KAT6A: variants seen among roughly 807,000 people sequenced by gnomAD.
KAT6A encodes the protein histone acetyltransferase KAT6A.
KAT6A carries 9 observed loss-of-function variants against 198.4 expected under a neutral mutation model. The ratio of observed to expected loss-of-function variants is 0.05; its 90% CI spans 0.03 to 0.08. The LOEUF (loss-of-function observed/expected upper bound fraction) is 0.08, where lower values mean the gene tolerates loss of function less well. KAT6A is among the 10% of genes least tolerant of loss of function. The pLI is 1.00. For synonymous variants in KAT6A, 890 were observed against 883.0 expected (o/e 1.01, Z -0.14); for missense variants, 2,077 against 2,509.9 (o/e 0.83, Z 3.69).
intron 2 of KAT6A, among the ~76,000 whole-genome samples, chr8:42,033,685 T>A (rs902993371): frequency 2.6e-5 from 4 of 152,162 alleles, no homozygotes; most frequent in Non-Finnish European, 5.9e-5. Context: ...TCTATTTTAC[T>A]TCATCAGAGC....
Position 41,955,302 on chromosome 8 carries a change from T to A in KAT6A, c.1592A>T (p.Tyr531Phe). 1 of 1,576,912 alleles carries A rather than the reference T, an allele frequency of 6.3e-7. No homozygotes were observed. The highest frequency in any genetic ancestry group is 8.7e-7 in the Non-Finnish European group (1 of 1,146,080). The change falls in exon 9 of 17, where the codon TAC becomes TTC. Residue 531 changes from tyrosine (Y) to phenylalanine (F), a missense_variant. Tyr to Phe is a conservative substitution (Grantham distance 22, BLOSUM62 3). This residue lies in a region of KAT6A where 46 missense variants were observed against 88.2 expected (regional missense o/e 0.52). Coordinates refer to ENST00000265713, the MANE Select transcript of KAT6A (RefSeq NM_006766.5). ...AGGGTCTCTCAAAACATACCTTGAG[T>A]ATTCTTGAGGATATGGGGAGGAGTA... ...TWYSSPYPQE[Y>F]SRLPKLYLCE... is the part of the protein sequence containing the mutation.
chr8:42,044,960 C>A (rs952877437), intron 2 of KAT6A, among the ~76,000 whole-genome samples: 36 of 152,052 alleles, frequency 2.4e-4, no homozygotes, highest in Non-Finnish European at 5.9e-5. Flanking sequence ...CTGCGTAGTT[C>A]GAAGGAGAGG....
intron 10 of KAT6A, among the ~76,000 whole-genome samples, chr8:41,948,434 G>A (rs1232882336): frequency 6.6e-6 from 1 of 152,162 alleles, no homozygotes; most frequent in East Asian, 1.9e-4. Flanking sequence ...GAAGCACCAA[G>A]CGGGTTCCTC....
intron 2 of KAT6A, among the ~76,000 whole-genome samples, chr8:42,025,066 T>C (rs1021529853): frequency 6.6e-6 from 1 of 152,204 alleles, no homozygotes; most frequent in Non-Finnish European, 1.5e-5. Flanking sequence ...CTCACAACGA[T>C]GTATAAGAGT....
Position 41,934,986 on chromosome 8 carries a change from C to T in KAT6A, c.3353-119G>A, listed in dbSNP as rs182307017. The T allele has an allele frequency of 1.5e-5, 12 of 810,066 alleles. No homozygotes were observed. The Admixed American group carries it at 2.4e-4, about 16-fold the overall frequency. The allele number at this position is 810,066 out of a possible 1,614,324, so 50.2% of individuals were successfully genotyped here. Reference sequence around the variant, plus strand: ...TTATTAATCATTACTTTTATAAACTCCTGATTGTCTTCATTTTAAAGTTAA... The same window carrying T: ...TTATTAATCATTACTTTTATAAACTTCTGATTGTCTTCATTTTAAAGTTAA... On this transcript the variant is annotated intron_variant, in intron 16 of 16. Coordinates refer to ENST00000265713, the MANE Select transcript of KAT6A (RefSeq NM_006766.5).
intron 2 of KAT6A, among the ~76,000 whole-genome samples, chr8:42,008,653 G>A (rs1277258111): frequency 6.6e-6 from 1 of 151,992 alleles, no homozygotes; most frequent in Admixed American, 6.6e-5. Flanking sequence ...CCCCTCGAGT[G>A]ACATTTTTTT....
At chr8:41,970,167 G>T (rs1357836401) in intron 8 of KAT6A, among the ~76,000 whole-genome samples, 1 of 152,134 alleles carries the variant, frequency 6.6e-6, no homozygotes, top group Non-Finnish European at 1.5e-5. Flanking sequence ...TTGCCCTATA[G>T]TTCTGGTACC....
chr8:41,964,855 T>G (rs180705926), intron 8 of KAT6A, among the ~76,000 whole-genome samples: 65 of 152,250 alleles, frequency 4.3e-4, no homozygotes, highest in Middle Eastern at 3.4e-3. Context: ...TCTCAAAATA[T>G]CCTATTGCAT....
intron 2 of KAT6A, among the ~76,000 whole-genome samples, chr8:42,005,071 G>A (rs572320303): frequency 4.0e-5 from 6 of 151,764 alleles, no homozygotes; most frequent in South Asian, 2.1e-4. Flanking sequence ...ACTTCTCATC[G>A]CCAGTAACAA....
intron 2 of KAT6A, among the ~76,000 whole-genome samples, chr8:42,040,677 G>A (rs1385213329): frequency 1.5e-5 from 2 of 135,880 alleles, no homozygotes; most frequent in African/African-American, 2.8e-5. Context: ...GGAGGCTGCA[G>A]TGAGCCGAGA....
intron 2 of KAT6A, among the ~76,000 whole-genome samples, chr8:42,000,705 CA>C: frequency 6.6e-6 from 1 of 152,130 alleles, no homozygotes; most frequent in East Asian, 1.9e-4. Context: ...CGGCATATAG[CA>C]TCATTTTCTT....
intron 4 of KAT6A, 100 bp from the exon 5 acceptor site, chr8:41,981,027 A>G (rs1824328301): frequency 2.3e-6 from 2 of 856,576 alleles, no homozygotes; most frequent in African/African-American, 1.7e-5. Context: ...GGGATCTTAA[A>G]AAAAGAGATA....
Position 41,946,643 on chromosome 8 carries a change from C to T in KAT6A, c.1944G>A (p.Met648Ile). Residue 648 changes from methionine to isoleucine, a missense_variant, in exon 12 of 17, where the codon ATG (methionine) becomes ATA (isoleucine). By Grantham distance (10) the Met-to-Ile change is conservative (BLOSUM62 1). This residue lies in a region of KAT6A where 127 missense variants were observed against 209.6 expected (regional missense o/e 0.61). Transcript: ENST00000265713. ...CQQKYNVSCIMILPQYQRKGY... is the reference protein window; with the variant it reads ...CQQKYNVSCIIILPQYQRKGY... ...CCTTACGCTGGTATTGAGGAAGAATCATTATACAGGAAACATTGTACTTCT... is the reference window on the plus strand; with the variant it reads ...CCTTACGCTGGTATTGAGGAAGAATTATTATACAGGAAACATTGTACTTCT... 1 of 1,608,932 alleles carries T rather than the reference C, an allele frequency of 6.2e-7. No individual in the cohort carries two copies. Among genetic ancestry groups the T allele is most frequent in the Non-Finnish European group, 8.5e-7 (1 of 1,175,560 alleles).
At chr8:42,003,172 A>G (rs1347610265) in intron 2 of KAT6A, among the ~76,000 whole-genome samples, 3 of 152,176 alleles carry the variant, frequency 2.0e-5, no homozygotes, top group African/African-American at 7.2e-5. Flanking sequence ...GCTATCTCCT[A>G]TCCTGCCACT....
chr8:42,025,160 T>G (rs540334664), intron 2 of KAT6A, among the ~76,000 whole-genome samples: 15 of 152,268 alleles, frequency 9.9e-5, no homozygotes, highest in Admixed American at 9.8e-4. Flanking sequence ...GGTATCTTAT[T>G]ATAGTTTTGA....
At chr8:42,041,138 T>G (rs35732087) in intron 2 of KAT6A, among the ~76,000 whole-genome samples, 31,306 of 142,452 alleles carry the variant, frequency 0.22, 3,645 homozygotes, top group Non-Finnish European at 0.24. Context: ...GAGGTTGCAG[T>G]GAGCCAAGGT....
chr8:41,936,512 C>A (rs1321170231), intron 16 of KAT6A, among the ~76,000 whole-genome samples: 1 of 152,146 alleles, frequency 6.6e-6, no homozygotes, highest in African/African-American at 2.4e-5. Context: ...CAGATGCAGG[C>A]AGCATGAGAC....
chr8:41,971,175 G>C (rs1221019325), intron 8 of KAT6A, among the ~76,000 whole-genome samples: 1 of 148,266 alleles, frequency 6.7e-6, no homozygotes, highest in East Asian at 2.0e-4. Context: ...ATACATATAC[G>C]TAACAAACCT....
At position 42,005,796 on chromosome 8, in the gene KAT6A, A is replaced by ACACACTCT. The variant is rs71239089; in HGVS notation, c.601-18234_601-18233insAGAGTGTG. ...CACACACACACACACACACACACAC[A>ACACACTCT]CACTCACTCTCTTTCTCCCCATCCA... is the stretch of plus-strand genomic sequence containing the variant. On this transcript the variant is annotated intron_variant, in intron 2 of 16. Coordinates refer to ENST00000265713, the MANE Select transcript of KAT6A (RefSeq NM_006766.5). Among the ~76,000 whole-genome samples the ACACACTCT allele has an allele frequency of 7.6e-4, 113 of 148,906 alleles. No individual in the cohort carries two copies. In the East Asian group the frequency reaches 9.8e-3, roughly 13 times the overall value.
Sources: gnomAD v4.1 joint callset for allele counts (sites outside exome capture counted in the v4.1 genomes callset) on GRCh38, gnomAD v4.1.1 for gene constraint, gnomAD v4.1.1 regional missense constraint, MANE v1.5 for transcripts, NCBI Gene and HGNC (gene_info 2026-07-23, HGNC 2026-07-21) for gene names.